TRIM42: variants seen among roughly 807,000 people sequenced by gnomAD.
TRIM42 encodes the protein tripartite motif-containing protein 42.
A neutral mutation model predicts 64.9 loss-of-function variants in TRIM42; 59 were observed. That is an observed-to-expected ratio of 0.91 (90% CI 0.74 to 1.13). The LOEUF is 1.13. Ranked by LOEUF, TRIM42 falls within the 50% of genes most tolerant of loss-of-function variation. The pLI is 0.00. For synonymous variants in TRIM42, 354 were observed against 346.3 expected (o/e 1.02, Z -0.25); for missense variants, 878 against 929.5 (o/e 0.94, Z 0.72).
intron 2 of TRIM42, among the ~76,000 whole-genome samples, chr3:140,686,886 T>C (rs1299501230): frequency 6.6e-6 from 1 of 152,220 alleles, no homozygotes; most frequent in East Asian, 1.9e-4. Context: ...TGCCACGTGC[T>C]TACCCTGCCA....
chr3:140,682,448 G>T lies in TRIM42; in HGVS notation c.342-14G>T. ...GCCTGCCTCCTGAAACCCTGCCTTT[G>T]CTTCTCCTTTCAGCTCCAAGACTGC... is the stretch of plus-strand genomic sequence containing the variant. On this transcript the variant is annotated splice_polypyrimidine_tract_variant and intron_variant, in intron 1 of 4. Transcript: ENST00000286349. 6.2e-7 allele frequency: 1 copy of T among 1,604,612 alleles called. No individual in the cohort carries two copies.
rs2107761923 is a variant in TRIM42, at chr3:140,688,668, C to G, written c.1860+126C>G. The G allele has an allele frequency of 7.0e-6, 5 of 716,416 alleles. No homozygotes were observed. The East Asian group carries it at 1.3e-4, about 19-fold the overall frequency. 44.4% of individuals were successfully genotyped at this position (716,416 alleles called of 1,614,324 possible). ...GATCTGGTCACTCATATCTGCTCCT[C>G]TAGACTCTTTGTGGTCATCCCATTC... On this transcript the variant is annotated intron_variant, in intron 3 of 4. Transcript: ENST00000286349.
At chr3:140,689,605 C>G (rs1032582071) in intron 3 of TRIM42, among the ~76,000 whole-genome samples, 2 of 151,954 alleles carry the variant, frequency 1.3e-5, no homozygotes, top group Non-Finnish European at 2.9e-5. Context: ...AGATACAGAC[C>G]AAGATTTACT....
At position 140,682,823 on chromosome 3, in the gene TRIM42, C is replaced by G. The variant is rs772046055; in HGVS notation, c.703C>G (p.Pro235Ala). The G allele has an allele frequency of 6.2e-7, 1 of 1,614,076 alleles. No individual in the cohort carries two copies. The highest frequency in any genetic ancestry group is 2.2e-5 in the East Asian group (1 of 44,878). ...GTGGCGCTTTGACCGCTCCTCCGGG[C>G]CCATCCTCTGCCAGGTCTGCCGCAA... The part of the protein sequence containing the change: ...LKWRFDRSSG[P>A]ILCQVCRNKR... Residue 235 changes from proline to alanine, a missense_variant, in exon 2 of 5, where the codon CCC becomes GCC. Pro to Ala is a conservative substitution (Grantham distance 27, BLOSUM62 -1). Coordinates refer to ENST00000286349, the MANE Select transcript of TRIM42 (RefSeq NM_152616.5).
chr3:140,700,676 C>T (rs1423166521), intron 4 of TRIM42, among the ~76,000 whole-genome samples: 1 of 152,236 alleles, frequency 6.6e-6, no homozygotes, highest in Non-Finnish European at 1.5e-5. Flanking sequence ...TATGGAATCA[C>T]AATCCCAGGA....
At chr3:140,684,196 G>T (rs1988492046) in intron 2 of TRIM42, among the ~76,000 whole-genome samples, 1 of 151,882 alleles carries the variant, frequency 6.6e-6, no homozygotes, top group Admixed American at 6.6e-5. Context: ...AGACAACTGT[G>T]GTTCAAAAAA....
rs1216075032 is a variant in TRIM42, at chr3:140,687,887, A to C, written c.1205A>C (p.Glu402Ala). Reference protein sequence around the residue: ...KIIMEQIENLEVSRQKEIEKY... With the variant: ...KIIMEQIENLAVSRQKEIEKY... ...ATCATGGAGCAGATAGAGAATCTAG[A>C]AGTGTCCAGGCAGAAGGAAATTGAA... The change falls in exon 3 of 5, where the codon GAA becomes GCA. Residue 402 changes from glutamate (E) to alanine (A), a missense_variant. Glu to Ala is a moderately radical substitution (Grantham distance 107). Coordinates refer to ENST00000286349, the MANE Select transcript of TRIM42 (RefSeq NM_152616.5). 1 of 1,614,212 alleles carries C rather than the reference A, an allele frequency of 6.2e-7. No homozygotes were observed. The highest frequency in any genetic ancestry group is 8.5e-7 in the Non-Finnish European group (1 of 1,180,036).
intron 4 of TRIM42, among the ~76,000 whole-genome samples, chr3:140,693,925 G>A (rs1336106154): frequency 6.6e-6 from 1 of 152,130 alleles, no homozygotes; most frequent in African/African-American, 2.4e-5. Context: ...CCCAACCACT[G>A]GGAAAGGAGG....
Position 140,678,133 on chromosome 3 carries a change from T to C in TRIM42, c.-97T>C. On this transcript the variant is annotated 5_prime_UTR_variant, in exon 1 of 5. The change abolishes an upstream ATG in the 5' untranslated region. Coordinates refer to ENST00000286349, the MANE Select transcript of TRIM42 (RefSeq NM_152616.5). ...ACTTTCAAGCTGACGGCCTCAGGAA[T>C]GGGAGGAAGGACTCCTCCACTGGAG... The C allele has an allele frequency of 2.7e-6, 3 of 1,125,126 alleles. No homozygotes were observed. The highest frequency in any genetic ancestry group is 2.6e-6 in the Non-Finnish European group (2 of 766,950). The allele number at this position is 1,125,126 out of a possible 1,614,324, so 69.7% of individuals were successfully genotyped here.
At chr3:140,700,576 T>C (rs931816508) in intron 4 of TRIM42, among the ~76,000 whole-genome samples, 6 of 152,204 alleles carry the variant, frequency 3.9e-5, no homozygotes, top group African/African-American at 1.4e-4. Context: ...CAGAGGATCC[T>C]CTATGGTGAA....
intron 3 of TRIM42, among the ~76,000 whole-genome samples, chr3:140,690,216 A>C (rs1988668883): frequency 6.6e-6 from 1 of 152,140 alleles, no homozygotes. Flanking sequence ...ATATTCTGAA[A>C]CTTAGTGTTG....
chr3:140,682,887 T>G lies in TRIM42; in HGVS notation c.767T>G (p.Leu256Arg). The change falls in exon 2 of 5, where the codon CTC (leucine) becomes CGC (arginine). Residue 256 changes from leucine (L) to arginine (R), a missense_variant. Coordinates refer to ENST00000286349, the MANE Select transcript of TRIM42 (RefSeq NM_152616.5). ...TACAAGCGCTGCATCACCTGCCGCC[T>G]CAACCTGTGCAACGACTGCCTCAAG... ...IAYKRCITCRLNLCNDCLKAF... is the reference protein window; with the variant it reads ...IAYKRCITCRRNLCNDCLKAF... The G allele has an allele frequency of 6.2e-7, 1 of 1,614,182 alleles. No individual in the cohort carries two copies. Among genetic ancestry groups the G allele is most frequent in the South Asian group, 1.1e-5 (1 of 91,086 alleles).
At chr3:140,698,307 G>A (rs187390030) in intron 4 of TRIM42, among the ~76,000 whole-genome samples, 124 of 152,240 alleles carry the variant, frequency 8.1e-4, no homozygotes, top group African/African-American at 2.9e-3. Context: ...GAAACAAATG[G>A]TATTTTTGTA....
chr3:140,690,244 T>C (rs1460968905), intron 3 of TRIM42, among the ~76,000 whole-genome samples: 4 of 152,130 alleles, frequency 2.6e-5, no homozygotes, highest in Non-Finnish European at 4.4e-5. Flanking sequence ...TCAATATGTA[T>C]TGTTAATATC....
chr3:140,686,580 C>G (rs1198012357), intron 2 of TRIM42, among the ~76,000 whole-genome samples: 1 of 152,188 alleles, frequency 6.6e-6, no homozygotes, highest in Non-Finnish European at 1.5e-5. Flanking sequence ...TTCAAGTGCA[C>G]ACCCTTGTTA....
chr3:140,684,749 A>G (rs1988505849), intron 2 of TRIM42, among the ~76,000 whole-genome samples: 1 of 152,204 alleles, frequency 6.6e-6, no homozygotes, highest in African/African-American at 2.4e-5. Flanking sequence ...AAATGGTAGA[A>G]CTGTTGGTTC....
intron 2 of TRIM42, among the ~76,000 whole-genome samples, chr3:140,686,850 T>G (rs998839315): frequency 2.0e-5 from 3 of 151,350 alleles, no homozygotes; most frequent in African/African-American, 7.4e-5. Flanking sequence ...ACCTTTCATA[T>G]AAAGCTCATT....
intron 2 of TRIM42, 97 bp downstream of exon 2, chr3:140,683,256 T>C (rs1988463327): frequency 3.2e-6 from 4 of 1,254,188 alleles, no homozygotes; most frequent in Admixed American, 2.0e-5. Context: ...CCTTAACAGA[T>C]TCCACCTAGT....
chr3:140,682,337 C>A lies in TRIM42; in HGVS notation c.342-125C>A, dbSNP rs988354495. On this transcript the variant is annotated intron_variant, in intron 1 of 4. Transcript: ENST00000286349. ...TTGAGAACGCAGGCACCTTAGCGCC[C>A]AGCTCAGGCTCCTCACCACCACACT... 4.4e-6 allele frequency: 4 copies of A among 910,226 alleles called. No homozygotes were observed. In the African/African-American group the frequency reaches 5.0e-5, roughly 11 times the overall value. The allele number at this position is 910,226 out of a possible 1,614,324, so 56.4% of individuals were successfully genotyped here. A position where few individuals can be genotyped will look rare whatever the true frequency, so the allele number is the denominator to read the frequency against.
Sources: gnomAD v4.1 joint callset for allele counts (sites outside exome capture counted in the v4.1 genomes callset) on GRCh38, gnomAD v4.1.1 for gene constraint, MANE v1.5 for transcripts, NCBI Gene and HGNC (gene_info 2026-07-23, HGNC 2026-07-21) for gene names.